CEP72: variants seen among roughly 807,000 people sequenced by gnomAD.
CEP72 encodes centrosomal protein of 72 kDa.
Under a neutral mutation model 65.7 loss-of-function variants are expected in CEP72, and 78 were observed. That is an observed-to-expected ratio of 1.19 (90% CI 0.99 to 1.43). The LOEUF (loss-of-function observed/expected upper bound fraction) is 1.43. CEP72 is among the 40% of genes most tolerant of loss of function. The pLI is 0.00. For synonymous variants in CEP72, 358 were observed against 351.7 expected, an observed-to-expected ratio of 1.02 and a Z score of -0.20; for missense variants, 914 against 832.9, an observed-to-expected ratio of 1.10 and a Z score of -1.20.
In CEP72 at chr5:637,889, C is replaced by T. The variant is rs374771953; in HGVS notation, c.1206+71C>T. On this transcript the variant is annotated intron_variant, in intron 7 of 11. Transcript: ENST00000264935. The stretch of plus-strand genomic sequence containing the variant: ...TAATGTGGGGCTGTTACGGCTTTGG[C>T]GGGGCCGTGATTACGCCTGCGGCAC... The T allele has an allele frequency of 9.7e-5, 135 of 1,390,124 alleles. 1 individual carries two copies. Among genetic ancestry groups the T allele is most frequent in the East Asian group, 7.4e-4 (29 of 39,024 alleles). 86.1% of individuals were successfully genotyped at this position (1,390,124 alleles called of 1,614,324 possible).
rs548210361 is a variant in CEP72 at position 645,321 on chromosome 5, G to T, written c.1666+896G>T. ...TTTTTATTGGGTTGTTTTATCGAGC[G>T]GTAAGAGTTCCTTAGAGTCTTCTTT... On this transcript the variant is annotated intron_variant, in intron 10 of 11. Coordinates refer to ENST00000264935, the MANE Select transcript of CEP72 (RefSeq NM_018140.4). The surrounding 1 kb of genome is among the most constrained non-coding windows in gnomAD (Gnocchi z 4.0). Among the ~76,000 whole-genome samples, 66 of 152,010 alleles carry T rather than the reference G, an allele frequency of 4.3e-4. No homozygotes were observed. Among genetic ancestry groups the T allele is most frequent in the African/African-American group, 1.6e-3 (66 of 41,474 alleles).
downstream of CEP72, among the ~76,000 whole-genome samples, chr5:669,326 C>T (rs946073677): frequency 6.6e-5 from 10 of 151,810 alleles, no homozygotes; most frequent in African/African-American, 1.2e-4. Context: ...CGTGGGGGTC[C>T]GCGGTGTTGG....
intron 9 of CEP72, chr5:642,310 C>T (rs1296619345): frequency 1.0e-6 from 1 of 984,006 alleles, no homozygotes; most frequent in South Asian, 4.7e-5. Flanking sequence ...ACACATGGCC[C>T]CTCATCTGGT....
chr5:675,271 G>T, the CEP72 span, among the ~76,000 whole-genome samples: 11 of 110,850 alleles, frequency 9.9e-5, no homozygotes, highest in African/African-American at 3.7e-4. Flanking sequence ...CGGGGGTGCA[G>T]CCCAGGGGGT....
chr5:669,610 C>T (rs1283630999), downstream of CEP72, among the ~76,000 whole-genome samples: 3 of 152,150 alleles, frequency 2.0e-5, no homozygotes, highest in East Asian at 1.9e-4. Flanking sequence ...GCACGCAGCC[C>T]TTTCTGACGG....
In CEP72 at chr5:648,805, GGACTGTGAGGTGT is replaced by G. The variant is rs1463135316; in HGVS notation, c.1778+917_1778+929del. Among the ~76,000 whole-genome samples the G allele has an allele frequency of 1.6e-3, 199 of 125,330 alleles. 1 individual carries two copies. The highest frequency in any genetic ancestry group is 2.1e-3 in the Non-Finnish European group (124 of 59,364). The allele number at this position is 125,330 out of a possible 152,430, so 82.2% of individuals were successfully genotyped here. Reference sequence around the variant, plus strand: ...ACTGTGAGGTGTGACTGTGAGGCGTGGACTGTGAGGTGTGACTGTGAGGTGTGACTGTGAGGTG... The same window carrying G: ...ACTGTGAGGTGTGACTGTGAGGCGTGGACTGTGAGGTGTGACTGTGAGGTG... On this transcript the variant is annotated intron_variant, in intron 11 of 11. Coordinates refer to ENST00000264935, the MANE Select transcript of CEP72 (RefSeq NM_018140.4).
chr5:634,007 G>A (rs892720873), intron 5 of CEP72, 60 bp downstream of exon 5: 145 of 1,518,494 alleles, frequency 9.5e-5, no homozygotes, highest in South Asian at 7.1e-4. Context: ...ATATATAGTC[G>A]TTACTGGGCT....
rs1207783307 is a variant in CEP72, at chr5:640,674, G to A, written c.1539+70G>A. On this transcript the variant is annotated intron_variant, in intron 9 of 11. Transcript: ENST00000264935. ...AAACATGGCTCTGACTTCCAGGAACGAGGGCAGCTCCTTGATGCCACACTG... is the reference window on the plus strand; with the variant it reads ...AAACATGGCTCTGACTTCCAGGAACAAGGGCAGCTCCTTGATGCCACACTG... The A allele has an allele frequency of 7.3e-6, 11 of 1,504,484 alleles. No homozygotes were observed. The Admixed American group carries it at 8.2e-5, about 11-fold the overall frequency. 93.2% of individuals were successfully genotyped at this position (1,504,484 alleles called of 1,614,324 possible).
chr5:623,505 C>T lies in CEP72; in HGVS notation c.404-966C>T, dbSNP rs371913581. Among the ~76,000 whole-genome samples, 139 of 152,260 alleles carry T rather than the reference C, an allele frequency of 9.1e-4. 1 individual carries two copies. Among genetic ancestry groups the T allele is most frequent in the African/African-American group, 3.1e-3 (127 of 41,548 alleles). On this transcript the variant is annotated intron_variant, in intron 3 of 11. Transcript: ENST00000264935. This position sits in a 1 kb window ranked among gnomAD's most constrained non-coding sequence, Gnocchi z 5.3. ...GTGAAGGTGAGTTTGCAGTTGGCTT[C>T]GGACATGCTGCATTAGAATTTACAC...
At chr5:629,500 G>A (rs1179556206) in intron 4 of CEP72, among the ~76,000 whole-genome samples, 44 of 103,830 alleles carry the variant, frequency 4.2e-4, no homozygotes, top group African/African-American at 1.6e-3. Context: ...CCGGGATTTG[G>A]ACCAGTCCTG....
At chr5:639,362 C>T (rs1243714537) in intron 8 of CEP72, 138 bp downstream of exon 8, 13 of 958,610 alleles carry the variant, frequency 1.4e-5, no homozygotes, top group Admixed American at 5.4e-5. Flanking sequence ...GGTGGTCCCG[C>T]GCCTGGGCCC....
At chr5:675,558 AGTGTG>A in the CEP72 span, among the ~76,000 whole-genome samples, 1 of 55,754 alleles carries the variant, frequency 1.8e-5, no homozygotes, top group East Asian at 4.3e-4. Context: ...CCGGGGGTGC[AGTGTG>A]GCTGGGGGTG....
chr5:653,673 A>G (rs1739254524), downstream of CEP72: 1 of 152,468 alleles, frequency 6.6e-6, no homozygotes, highest in African/African-American at 2.4e-5. Context: ...ACTTAACACA[A>G]GTGACACTTA....
In CEP72 at chr5:617,034, G is replaced by A. The variant is rs550904283; in HGVS notation, c.83-1956G>A. ...CAGGAGGGCTGATGATGTACAGAGA[G>A]TCTGTCCTGCCAGGCCCCTCCTGGT... On this transcript the variant is annotated intron_variant, in intron 1 of 11. Coordinates refer to ENST00000264935, the MANE Select transcript of CEP72 (RefSeq NM_018140.4). 2.6e-5 allele frequency among the ~76,000 whole-genome samples: 4 copies of A among 152,260 alleles called. No homozygotes were observed. The South Asian group carries it at 8.3e-4, about 32-fold the overall frequency.
intron 2 of CEP72, 120 bp downstream of exon 2, chr5:619,237 G>A (rs1469100616): frequency 1.4e-5 from 12 of 869,832 alleles, no homozygotes; most frequent in East Asian, 1.2e-4. Context: ...GGTACACTTT[G>A]TGTTGCGTAT....
At chr5:643,702 G>A in intron 9 of CEP72, 1 of 979,618 alleles carries the variant, frequency 1.0e-6, no homozygotes, top group Non-Finnish European at 1.2e-6. Flanking sequence ...CCTGGCCGCA[G>A]GTGCTGGCGG....
chr5:673,682 G>A, the CEP72 span, among the ~76,000 whole-genome samples: 1 of 152,224 alleles, frequency 6.6e-6, no homozygotes, highest in Non-Finnish European at 1.5e-5. Flanking sequence ...GGTCAGCCAA[G>A]GCTGGCACAC....
chr5:643,963 C>T (rs949045496), intron 9 of CEP72, among the ~76,000 whole-genome samples: 1 of 152,222 alleles, frequency 6.6e-6, no homozygotes, highest in Non-Finnish European at 1.5e-5. Flanking sequence ...GACAGGGTTC[C>T]CCCAACCGCC....
intron 9 of CEP72, chr5:642,154 G>C (rs559515623): frequency 1.1e-6 from 1 of 903,836 alleles, no homozygotes; most frequent in African/African-American, 1.9e-5. Flanking sequence ...GAACACACGT[G>C]GTCCCCCGTC....
Sources: gnomAD v4.1 joint callset for allele counts (sites outside exome capture counted in the v4.1 genomes callset) on GRCh38, gnomAD v4.1.1 for gene constraint, Gnocchi (gnomAD v3.1) non-coding constraint, MANE v1.5 for transcripts, NCBI Gene and HGNC (gene_info 2026-07-23, HGNC 2026-07-21) for gene names.